Variants in RAP1GAP observed in about 807,000 individuals in gnomAD.
RAP1GAP encodes the protein rap1 GTPase-activating protein 1.
Under a neutral mutation model 87.2 loss-of-function variants are expected in RAP1GAP, and 35 were observed. That is an observed-to-expected ratio of 0.40 (90% confidence interval 0.31 to 0.53). RAP1GAP has a LOEUF of 0.53. Ranked by LOEUF, RAP1GAP falls within the 20% of genes least tolerant of loss-of-function variation. The pLI is 0.48. For synonymous variants in RAP1GAP, 375 were observed against 363.9 expected (o/e 1.03, Z -0.35); for missense variants, 734 against 898.9 (o/e 0.82, Z 2.35).
At chr1:21,598,878 T>A (rs978272697) in intron 21 of RAP1GAP, among the ~76,000 whole-genome samples, 2 of 151,956 alleles carry the variant, frequency 1.3e-5, no homozygotes, top group African/African-American at 4.8e-5. Context: ...GGCCTGGGTC[T>A]GCACTGTTCC....
Position 21,622,268 on chromosome 1 carries a change from C to A in RAP1GAP, c.-18-2218G>T. 4.5e-6 allele frequency: 2 copies of A among 440,896 alleles called. No individual in the cohort carries two copies. Among genetic ancestry groups the A allele is most frequent in the South Asian group, 6.8e-5 (2 of 29,322 alleles). 27.3% of individuals were successfully genotyped at this position (440,896 alleles called of 1,614,324 possible). ...CCGCCCTGGCTGGGGCAGAGCCGGC[C>A]GGGCTCCCCAGCAGTCGGGGTGACC... is the stretch of plus-strand genomic sequence containing the variant. On this transcript the variant is annotated intron_variant, in intron 3 of 24. Transcript: ENST00000374765. The surrounding 1 kb of genome is among the most constrained non-coding windows in gnomAD (Gnocchi z 5.7).
At chr1:21,620,154 C>A in intron 3 of RAP1GAP, 104 bp from the exon 4 acceptor site, 1 of 1,220,562 alleles carries the variant, frequency 8.2e-7, no homozygotes, top group South Asian at 1.3e-5. Context: ...TGATCAGTGA[C>A]CGAGGCACCT....
At chr1:21,620,159 G>T in intron 3 of RAP1GAP, 109 bp from the exon 4 acceptor site, 1 of 1,164,220 alleles carries the variant, frequency 8.6e-7, no homozygotes, top group Non-Finnish European at 1.3e-6. Flanking sequence ...AGTGACCGAG[G>T]CACCTGTCTG....
intron 5 of RAP1GAP, among the ~76,000 whole-genome samples, chr1:21,618,512 C>A (rs891609584): frequency 6.6e-5 from 10 of 152,166 alleles, no homozygotes; most frequent in African/African-American, 2.4e-4. Flanking sequence ...GCTGAGTCCC[C>A]TGCCTCCGGT....
In RAP1GAP at chr1:21,612,013, G is replaced by A; in HGVS notation, c.612+13C>T. The A allele has an allele frequency of 6.5e-7, 1 of 1,537,136 alleles. No individual in the cohort carries two copies. On this transcript the variant is annotated intron_variant, in intron 11 of 24. Coordinates refer to ENST00000374765, the MANE Select transcript of RAP1GAP (RefSeq NM_002885.4). ...CCAGGTGGGGAGGGGCGGCAGGGAGGAGGTGAGCACACCTGCCCAAGCTTC... is the reference window on the plus strand; with the variant it reads ...CCAGGTGGGGAGGGGCGGCAGGGAGAAGGTGAGCACACCTGCCCAAGCTTC...
chr1:21,626,245 G>C (rs187279501), intron 3 of RAP1GAP, 59 bp downstream of exon 3: 46 of 1,404,926 alleles, frequency 3.3e-5, no homozygotes, highest in Non-Finnish European at 4.3e-5. Context: ...CCCAGCCCTG[G>C]GCATGTGTCG....
At chr1:21,624,162 C>T (rs1048045753) in intron 3 of RAP1GAP, among the ~76,000 whole-genome samples, 12 of 152,104 alleles carry the variant, frequency 7.9e-5, no homozygotes, top group Non-Finnish European at 2.9e-5. Flanking sequence ...TTCTGAATCC[C>T]CGAGTGGAGA....
At chr1:21,644,001 T>C (rs146958097) in intron 2 of RAP1GAP, among the ~76,000 whole-genome samples, 1 of 152,312 alleles carries the variant, frequency 6.6e-6, no homozygotes, top group Non-Finnish European at 1.5e-5. Flanking sequence ...GAGTCCTCTC[T>C]TCATGATGCT....
chr1:21,647,620 G>A (rs1344209663), intron 2 of RAP1GAP, among the ~76,000 whole-genome samples: 1 of 152,232 alleles, frequency 6.6e-6, no homozygotes, highest in Non-Finnish European at 1.5e-5. Context: ...GCAGCCCAGA[G>A]AGGGAAAATG....
chr1:21,644,849 C>T lies in RAP1GAP; in HGVS notation c.-113+4912G>A, dbSNP rs149652006. 3.2e-3 allele frequency among the ~76,000 whole-genome samples: 464 copies of T among 146,434 alleles called. 2 individuals are homozygous for T. The highest frequency in any genetic ancestry group is 0.011 in the African/African-American group (435 of 39,248). On this transcript the variant is annotated intron_variant, in intron 2 of 24. Transcript: ENST00000374765. ...CACGGAGGTGGAGGTTGCAGTGAAC[C>T]GAGATCGCGCCACTGCACCCCAGCC... is the stretch of plus-strand genomic sequence containing the variant.
At chr1:21,606,382 C>G (rs1467734995) in intron 17 of RAP1GAP, among the ~76,000 whole-genome samples, 185 bp from the exon 18 acceptor site, 4 of 152,322 alleles carry the variant, frequency 2.6e-5, no homozygotes, top group African/African-American at 9.6e-5. Context: ...CCTCAATTTC[C>G]CTGTGCGTCA....
At chr1:21,618,897 G>A (rs373764772) in intron 5 of RAP1GAP, 128 bp downstream of exon 5, 14 of 1,078,378 alleles carry the variant, frequency 1.3e-5, no homozygotes, top group African/African-American at 4.8e-5. Context: ...CCCTACCCCC[G>A]CACCTGGCAC....
chr1:21,620,852 ACTCTCTCT>A (rs35090439), intron 3 of RAP1GAP, among the ~76,000 whole-genome samples: 3 of 149,746 alleles, frequency 2.0e-5, no homozygotes, highest in Non-Finnish European at 4.5e-5. Context: ...AAGCACGCAC[ACTCTCTCT>A]CTCTCTCTCT....
At chr1:21,621,820 C>T (rs969356402) in intron 3 of RAP1GAP, among the ~76,000 whole-genome samples, 7 of 152,192 alleles carry the variant, frequency 4.6e-5, no homozygotes, top group Non-Finnish European at 8.8e-5. Flanking sequence ...CAGGAACACT[C>T]TAATACACCT....
At chr1:21,620,089 C>T (rs755108824) in intron 3 of RAP1GAP, 39 bp from the exon 4 acceptor site, 11 of 1,611,786 alleles carry the variant, frequency 6.8e-6, no homozygotes, top group African/African-American at 2.7e-5. Flanking sequence ...CAGCTGATCC[C>T]GCCAAGCCCC....
At chr1:21,659,379 G>C (rs1308597834) in intron 1 of RAP1GAP, among the ~76,000 whole-genome samples, 1 of 152,208 alleles carries the variant, frequency 6.6e-6, no homozygotes, top group African/African-American at 2.4e-5. Flanking sequence ...CGCCGGGACA[G>C]CGCCCCCAGT....
intron 2 of RAP1GAP, among the ~76,000 whole-genome samples, chr1:21,644,477 T>C (rs966450662): frequency 6.6e-6 from 1 of 152,152 alleles, no homozygotes; most frequent in African/African-American, 2.4e-5. Context: ...TTCATAACGG[T>C]CTTGCCTCAC....
At chr1:21,618,786 GA>G (rs1313342555) in intron 5 of RAP1GAP, among the ~76,000 whole-genome samples, 1 of 152,120 alleles carries the variant, frequency 6.6e-6, no homozygotes, top group African/African-American at 2.4e-5. Context: ...GGAGGAGCTA[GA>G]ATAGAGGCCC....
intron 2 of RAP1GAP, among the ~76,000 whole-genome samples, chr1:21,645,962 TG>T (rs1424705288): frequency 6.6e-6 from 1 of 152,188 alleles, no homozygotes; most frequent in Non-Finnish European, 1.5e-5. Flanking sequence ...GCTAAAGGCA[TG>T]GGCTCAGAGT....
Sources: allele counts gnomAD v4.1 joint callset (sites outside exome capture counted in the v4.1 genomes callset), GRCh38; gene constraint gnomAD v4.1.1; non-coding constraint Gnocchi (gnomAD v3.1); transcripts MANE v1.5; gene names NCBI Gene and HGNC (gene_info 2026-07-23, HGNC 2026-07-21).